The following ACOXL variants were observed in gnomAD, a reference collection of about 807,000 sequenced individuals.
ACOXL encodes acyl-CoA oxidase like.
ACOXL carries 70 observed loss-of-function variants against 71.9 expected under a neutral mutation model. That is an observed-to-expected ratio of 0.97 (90% CI 0.80 to 1.19). ACOXL has a LOEUF of 1.19. Ranked by LOEUF, ACOXL falls within the 50% of genes most tolerant of loss-of-function variation. The pLI, the probability that ACOXL is intolerant of heterozygous loss-of-function variation, is 0.00. For missense variants in ACOXL, 703 were observed against 736.3 expected (o/e 0.95, Z 0.52); for synonymous variants, 253 against 281.6 (o/e 0.90, Z 1.02).
chr2:111,096,904 C>T (rs531722942), intron 17 of ACOXL, among the ~76,000 whole-genome samples: 3 of 152,118 alleles, frequency 2.0e-5, no homozygotes, highest in South Asian at 2.1e-4. Context: ...AATGTTTTTA[C>T]CCTCCCCCTG....
intron 14 of ACOXL, among the ~76,000 whole-genome samples, chr2:111,026,153 C>T (rs1462943138): frequency 3.3e-5 from 5 of 152,254 alleles, no homozygotes; most frequent in South Asian, 2.1e-4. Context: ...CGTACTGTTG[C>T]GTTTACTATA....
chr2:110,943,207 AAGG>A (rs2060955307), intron 12 of ACOXL, among the ~76,000 whole-genome samples: 1 of 148,548 alleles, frequency 6.7e-6, no homozygotes, highest in Non-Finnish European at 1.5e-5. Flanking sequence ...AGAGAAAGGA[AAGG>A]AAGAAGGAAG....
chr2:110,940,164 G>A (rs1469605285), intron 12 of ACOXL, among the ~76,000 whole-genome samples: 8 of 152,106 alleles, frequency 5.3e-5, no homozygotes, highest in Admixed American at 5.2e-4. Context: ...TTCTTATTTT[G>A]TGTCATCTTT....
intron 10 of ACOXL, among the ~76,000 whole-genome samples, chr2:110,897,144 A>G (rs999564580): frequency 6.6e-6 from 1 of 152,180 alleles, no homozygotes; most frequent in African/African-American, 2.4e-5. Context: ...AAAAAGAGGA[A>G]CTCTCAGGAA....
intron 16 of ACOXL, among the ~76,000 whole-genome samples, chr2:111,087,321 C>G (rs186554003): frequency 2.6e-5 from 4 of 151,918 alleles, no homozygotes; most frequent in Admixed American, 2.0e-4. Context: ...TCATATAGAA[C>G]CAAAAAAGAG....
chr2:110,938,110 T>C (rs2060733645), intron 12 of ACOXL, among the ~76,000 whole-genome samples: 2 of 152,160 alleles, frequency 1.3e-5, no homozygotes, highest in Non-Finnish European at 2.9e-5. Context: ...CAGTGCGAAC[T>C]GTGGAGGGTC....
chr2:110,927,679 G>T (rs540889858), intron 11 of ACOXL, among the ~76,000 whole-genome samples: 2 of 152,310 alleles, frequency 1.3e-5, no homozygotes, highest in East Asian at 3.9e-4. Flanking sequence ...GTTTGTGATT[G>T]TAAATTCTGT....
chr2:110,908,215 C>T (rs1045521962), intron 10 of ACOXL, among the ~76,000 whole-genome samples: 1 of 152,238 alleles, frequency 6.6e-6, no homozygotes, highest in African/African-American at 2.4e-5. Flanking sequence ...GTTCACCTGA[C>T]ATAGCAGCCT....
intron 14 of ACOXL, among the ~76,000 whole-genome samples, chr2:111,004,404 T>A (rs1458594930): frequency 6.6e-6 from 1 of 151,838 alleles, no homozygotes; most frequent in Non-Finnish European, 1.5e-5. Context: ...AGTTGGAGAG[T>A]CGAGAAGACC....
chr2:110,901,351 C>T (rs1173075369), intron 10 of ACOXL, among the ~76,000 whole-genome samples: 1 of 152,134 alleles, frequency 6.6e-6, no homozygotes. Flanking sequence ...GTGACATTGA[C>T]ACCAGAGCCA....
chr2:110,837,687 A>T (rs1690622193), intron 9 of ACOXL, among the ~76,000 whole-genome samples: 5 of 152,076 alleles, frequency 3.3e-5, no homozygotes, highest in Admixed American at 2.6e-4. Context: ...CCAAAAAAGG[A>T]GCATTTTCAA....
At chr2:111,081,005 T>C (rs1233144326) in intron 16 of ACOXL, among the ~76,000 whole-genome samples, 5 of 152,166 alleles carry the variant, frequency 3.3e-5, no homozygotes. Context: ...AAACTAGGTA[T>C]CGATGGAATG....
At chr2:110,809,463 T>C (rs377182317) in intron 9 of ACOXL, among the ~76,000 whole-genome samples, 1 of 152,244 alleles carries the variant, frequency 6.6e-6, no homozygotes, top group Admixed American at 6.5e-5. Context: ...GCCTGAACGA[T>C]GATCTCCAAG....
At chr2:110,996,087 T>A (rs2063385057) in intron 14 of ACOXL, 83 bp downstream of exon 14, 1 of 1,188,064 alleles carries the variant, frequency 8.4e-7, no homozygotes, top group Non-Finnish European at 1.2e-6. Flanking sequence ...TTAAGTTTAG[T>A]AGAGGATGAG....
At chr2:110,774,805 A>T (rs752682334) in intron 2 of ACOXL, among the ~76,000 whole-genome samples, 3 of 152,250 alleles carry the variant, frequency 2.0e-5, no homozygotes, top group African/African-American at 4.8e-5. Context: ...TTTTTGCGGA[A>T]ATAGAAAAAC....
intron 16 of ACOXL, among the ~76,000 whole-genome samples, chr2:111,064,864 T>C (rs2066989460): frequency 6.6e-6 from 1 of 152,240 alleles, no homozygotes; most frequent in African/African-American, 2.4e-5. Flanking sequence ...AACGTAGAGC[T>C]ATAAAATGGA....
intron 9 of ACOXL, among the ~76,000 whole-genome samples, chr2:110,809,838 A>G (rs995562542): frequency 2.0e-5 from 3 of 152,166 alleles, no homozygotes; most frequent in African/African-American, 7.2e-5. Flanking sequence ...CTCACCGCAC[A>G]TGGAGTGGTG....
At chr2:111,069,501 A>G (rs2067237970) in intron 16 of ACOXL, among the ~76,000 whole-genome samples, 1 of 152,176 alleles carries the variant, frequency 6.6e-6, no homozygotes. Flanking sequence ...GCCTCACCCT[A>G]ACAGCCTCAT....
At chr2:111,096,540 A>G (rs1453719336) in intron 17 of ACOXL, among the ~76,000 whole-genome samples, 1 of 152,040 alleles carries the variant, frequency 6.6e-6, no homozygotes, top group Non-Finnish European at 1.5e-5. Flanking sequence ...TTTTTATATC[A>G]TGCATGTCAC....
Sources: gnomAD v4.1 joint callset for allele counts (sites outside exome capture counted in the v4.1 genomes callset) on GRCh38, gnomAD v4.1.1 for gene constraint, MANE v1.5 for transcripts, NCBI Gene and HGNC (gene_info 2026-07-23, HGNC 2026-07-21) for gene names.